The following NEGR1 variants were observed in gnomAD, a reference collection of about 807,000 sequenced individuals.
NEGR1 encodes the protein IgLON family member 4.
NEGR1 carries 10 observed loss-of-function variants against 40.9 expected under a neutral mutation model. The ratio of observed to expected loss-of-function variants is 0.24; its 90% CI spans 0.15 to 0.42. The LOEUF is 0.42. Among genes scored for constraint, NEGR1 ranks in the 10% least tolerant of loss-of-function variants. The probability of loss-of-function intolerance (pLI) is 1.00; values close to 1 mark genes in which losing one functional copy is unlikely to be tolerated. For missense variants in NEGR1, 352 were observed against 438.9 expected, an observed-to-expected ratio of 0.80 and a Z score of 1.77; for synonymous variants, 185 against 166.8, an observed-to-expected ratio of 1.11 and a Z score of -0.84.
intron 5 of NEGR1, among the ~76,000 whole-genome samples, chr1:71,597,590 C>T (rs1374299686): frequency 2.0e-5 from 3 of 150,366 alleles, no homozygotes; most frequent in African/African-American, 4.9e-5. Flanking sequence ...GTTCTCAATA[C>T]ATTTATGACT....
At chr1:71,451,841 G>T (rs1646631510) in intron 6 of NEGR1, among the ~76,000 whole-genome samples, 1 of 152,130 alleles carries the variant, frequency 6.6e-6, no homozygotes, top group Non-Finnish European at 1.5e-5. Flanking sequence ...GTATATTCAA[G>T]TACATATTCC....
At chr1:71,570,353 G>T (rs759701144) in intron 6 of NEGR1, among the ~76,000 whole-genome samples, 3 of 151,922 alleles carry the variant, frequency 2.0e-5, no homozygotes, top group Non-Finnish European at 4.4e-5. Flanking sequence ...TAGCTCATTG[G>T]GGGTTTTTAT....
intron 3 of NEGR1, among the ~76,000 whole-genome samples, chr1:71,743,831 T>C (rs1489932472): frequency 3.3e-5 from 5 of 152,212 alleles, no homozygotes; most frequent in Non-Finnish European, 7.3e-5. Context: ...TGTATTGAAT[T>C]GTCCTCCCTT....
At chr1:72,171,860 CTATTCCTT>C in intron 1 of NEGR1, among the ~76,000 whole-genome samples, 1 of 152,246 alleles carries the variant, frequency 6.6e-6, no homozygotes, top group South Asian at 2.1e-4. Context: ...AAATCTTAAA[CTATTCCTT>C]CAACAACTAA....
Position 71,509,737 on chromosome 1 carries a change from G to T in NEGR1, c.940+83080C>A, listed in dbSNP as rs78996062. On this transcript the variant is annotated intron_variant, in intron 6 of 6. Coordinates refer to ENST00000357731, the MANE Select transcript of NEGR1 (RefSeq NM_173808.3). The stretch of plus-strand genomic sequence containing the variant: ...TAAATTTAAGGCCTGAAACCAAATA[G>T]CTGCTGGGTTTAAGTCAGCACTCAT... 1.2e-3 allele frequency among the ~76,000 whole-genome samples: 183 copies of T among 152,282 alleles called. 1 individual carries two copies. Among genetic ancestry groups the T allele is most frequent in the Non-Finnish European group, 2.0e-3 (136 of 68,026 alleles).
chr1:71,872,640 G>A (rs535576746), intron 2 of NEGR1, among the ~76,000 whole-genome samples: 1 of 152,174 alleles, frequency 6.6e-6, no homozygotes, highest in South Asian at 2.1e-4. Flanking sequence ...AATAAAACTT[G>A]GTTATTTGAA....
chr1:71,549,508 G>A (rs1648007190), intron 6 of NEGR1, among the ~76,000 whole-genome samples: 1 of 151,688 alleles, frequency 6.6e-6, no homozygotes, highest in African/African-American at 2.4e-5. Flanking sequence ...AAGGAGAGGA[G>A]AGCCAAAACT....
chr1:71,913,973 C>G (rs1661497431), intron 2 of NEGR1, among the ~76,000 whole-genome samples: 1 of 152,068 alleles, frequency 6.6e-6, no homozygotes, highest in Non-Finnish European at 1.5e-5. Flanking sequence ...AAGAGTTGAT[C>G]ACAATACCAA....
At chr1:71,681,119 A>C in intron 4 of NEGR1, among the ~76,000 whole-genome samples, 1 of 152,372 alleles carries the variant, frequency 6.6e-6, no homozygotes, top group Admixed American at 6.5e-5. Context: ...TCTGTGAACA[A>C]GAAAGGTGGA....
intron 2 of NEGR1, among the ~76,000 whole-genome samples, chr1:71,818,235 G>A (rs78743085): frequency 3.9e-5 from 6 of 152,040 alleles, no homozygotes; most frequent in Admixed American, 6.6e-5. Flanking sequence ...GTATACATGA[G>A]TATGTTCACC....
At position 72,210,454 on chromosome 1, in the gene NEGR1, CCA is replaced by C. The variant is rs1653559741; in HGVS notation, c.176+71863_176+71864del. 2.0e-5 allele frequency among the ~76,000 whole-genome samples: 3 copies of C among 151,822 alleles called. No homozygotes were observed. In the East Asian group the frequency reaches 5.8e-4, roughly 29 times the overall value. On this transcript the variant is annotated intron_variant, in intron 1 of 6. Transcript: ENST00000357731. ...GTGATTGAAACGCAAGCAGAATGAG[CCA>C]CATTTTTCATGGAAAACCATTATTA...
At chr1:71,905,038 G>T (rs1403964511) in intron 2 of NEGR1, among the ~76,000 whole-genome samples, 13 of 152,028 alleles carry the variant, frequency 8.6e-5, no homozygotes, top group Non-Finnish European at 2.9e-5. Context: ...TCCAAAAAAT[G>T]TGAAAGATTT....
intron 1 of NEGR1, among the ~76,000 whole-genome samples, chr1:72,135,700 A>G (rs892652127): frequency 2.6e-5 from 4 of 152,214 alleles, no homozygotes; most frequent in African/African-American, 2.4e-5. Flanking sequence ...AAGGACCCCA[A>G]TATTTGCAAC....
chr1:72,087,028 G>A (rs1049640299), intron 1 of NEGR1, among the ~76,000 whole-genome samples: 1 of 152,080 alleles, frequency 6.6e-6, no homozygotes, highest in Non-Finnish European at 1.5e-5. Context: ...CAATGTGCTG[G>A]ATAAGCTGTG....
chr1:71,912,350 T>A (rs1277972542), intron 2 of NEGR1, among the ~76,000 whole-genome samples: 1 of 152,216 alleles, frequency 6.6e-6, no homozygotes, highest in African/African-American at 2.4e-5. Flanking sequence ...TATATTTTTC[T>A]TCTACTTATA....
chr1:71,940,700 C>A (rs1332138089), intron 1 of NEGR1, among the ~76,000 whole-genome samples: 1 of 152,136 alleles, frequency 6.6e-6, no homozygotes, highest in African/African-American at 2.4e-5. Flanking sequence ...TTTGATCAAA[C>A]TGTTAGGAAA....
At chr1:71,587,892 TC>T (rs1314471247) in intron 6 of NEGR1, among the ~76,000 whole-genome samples, 51 of 152,142 alleles carry the variant, frequency 3.4e-4, no homozygotes, top group African/African-American at 1.2e-3. Context: ...ATATATTAGG[TC>T]TCAGGAGAGG....
chr1:72,218,929 C>A (rs1038827628), intron 1 of NEGR1, among the ~76,000 whole-genome samples: 2 of 152,032 alleles, frequency 1.3e-5, no homozygotes, highest in Non-Finnish European at 2.9e-5. Context: ...GTTGTAATGA[C>A]CACTGAATTC....
rs578251525 is a variant in NEGR1, at chr1:72,042,228, C to T, written c.177-106917G>A. Among the ~76,000 whole-genome samples the T allele has an allele frequency of 4.6e-5, 7 of 151,634 alleles. No individual in the cohort carries two copies. In the South Asian group the frequency reaches 1.5e-3, roughly 31 times the overall value. ...TCATGTTGGAATTTTCCTGCACTTC[C>T]TTCGGTTGTCAGAGCAAGGGGTCTT... On this transcript the variant is annotated intron_variant, in intron 1 of 6. Transcript: ENST00000357731.
Sources: allele counts gnomAD v4.1 joint callset (sites outside exome capture counted in the v4.1 genomes callset), GRCh38; gene constraint gnomAD v4.1.1; transcripts MANE v1.5; gene names NCBI Gene and HGNC (gene_info 2026-07-23, HGNC 2026-07-21).